Variants in ZNRF1 observed in about 807,000 individuals in gnomAD.
ZNRF1 encodes the protein zinc and ring finger 1, also known as E3 ubiquitin-protein ligase ZNRF1.
Under a neutral mutation model 18.4 loss-of-function variants are expected in ZNRF1, and 3 were observed. The ratio of observed to expected loss-of-function variants is 0.16; its 90% CI spans 0.07 to 0.42. The LOEUF is 0.42. ZNRF1 is among the 10% of genes least tolerant of loss of function. The pLI, the probability that ZNRF1 is intolerant of heterozygous loss-of-function variation, is 0.99. For synonymous variants in ZNRF1, 157 were observed against 144.2 expected, an observed-to-expected ratio of 1.09 and a Z score of -0.64; for missense variants, 310 against 329.8, an observed-to-expected ratio of 0.94 and a Z score of 0.47.
intron 1 of ZNRF1, among the ~76,000 whole-genome samples, chr16:75,089,272 A>T (rs887056393): frequency 4.1e-5 from 6 of 147,378 alleles, no homozygotes; most frequent in African/African-American, 1.5e-4. Context: ...CCAGCTAATT[A>T]AAAAAAAAAA....
At chr16:75,097,188 G>A (rs548795131) in intron 2 of ZNRF1, among the ~76,000 whole-genome samples, 5 of 152,242 alleles carry the variant, frequency 3.3e-5, no homozygotes, top group East Asian at 1.9e-4. Context: ...TAAAGAATAC[G>A]CATTCAAATT....
chr16:75,043,985 G>A (rs576238404), intron 1 of ZNRF1, among the ~76,000 whole-genome samples: 7 of 151,844 alleles, frequency 4.6e-5, no homozygotes, highest in African/African-American at 1.7e-4. Flanking sequence ...GGCTAATTTT[G>A]TGTTTGTAGT....
chr16:75,044,658 C>G (rs2035491565), intron 1 of ZNRF1, among the ~76,000 whole-genome samples: 1 of 152,154 alleles, frequency 6.6e-6, no homozygotes, highest in Non-Finnish European at 1.5e-5. Flanking sequence ...CCATACCCAG[C>G]CCAAGCTCTT....
In ZNRF1 at chr16:74,999,759, G is replaced by C; in HGVS notation, c.88G>C (p.Gly30Arg). 1 of 1,392,868 alleles carries C rather than the reference G, an allele frequency of 7.2e-7. No homozygotes were observed. The highest frequency in any genetic ancestry group is 2.3e-4 in the Middle Eastern group (1 of 4,340). 86.3% of individuals were successfully genotyped at this position (1,392,868 alleles called of 1,614,324 possible). A position where few individuals can be genotyped will look rare whatever the true frequency, so the allele number is the denominator to read the frequency against. Residue 30 changes from glycine to arginine, a missense_variant, in exon 1 of 5, where the codon GGG becomes CGG. Transcript: ENST00000335325. ...TDDSAVPPPG[G>R]APHFGHYRTG... is the part of the protein sequence containing the mutation. Reference sequence around the variant, plus strand: ...TGACAGCGCCGTGCCGCCGCCGGGAGGGGCGCCCCATTTCGGGCACTACCG... The same window carrying C: ...TGACAGCGCCGTGCCGCCGCCGGGACGGGCGCCCCATTTCGGGCACTACCG...
intron 1 of ZNRF1, among the ~76,000 whole-genome samples, chr16:75,065,554 T>C (rs993800014): frequency 1.3e-5 from 2 of 152,208 alleles, no homozygotes; most frequent in Non-Finnish European, 2.9e-5. Flanking sequence ...CATCACAAAA[T>C]GAAACAATAT....
At chr16:75,071,641 A>C (rs1268360573) in intron 1 of ZNRF1, among the ~76,000 whole-genome samples, 1 of 152,190 alleles carries the variant, frequency 6.6e-6, no homozygotes, top group Non-Finnish European at 1.5e-5. Flanking sequence ...ACACAGGTTC[A>C]AGGGCAGGGA....
chr16:75,077,673 G>A (rs2035958296), intron 1 of ZNRF1, among the ~76,000 whole-genome samples: 1 of 152,206 alleles, frequency 6.6e-6, no homozygotes, highest in Non-Finnish European at 1.5e-5. Flanking sequence ...TTTTGGAGAT[G>A]AGAAATCTGC....
At chr16:75,001,513 T>C (rs184754392) in intron 1 of ZNRF1, among the ~76,000 whole-genome samples, 1 of 152,334 alleles carries the variant, frequency 6.6e-6, no homozygotes, top group East Asian at 1.9e-4. Flanking sequence ...CAGGACATGA[T>C]TGCCTTTGGC....
intron 1 of ZNRF1, among the ~76,000 whole-genome samples, chr16:75,034,158 AAAAC>A (rs2035346723): frequency 6.6e-6 from 1 of 152,194 alleles, no homozygotes; most frequent in East Asian, 1.9e-4. Context: ...CTCCGTCTCA[AAAAC>A]AAAAACAAAA....
intron 1 of ZNRF1, among the ~76,000 whole-genome samples, chr16:75,068,136 T>C (rs2145396415): frequency 6.9e-6 from 1 of 145,984 alleles, no homozygotes; most frequent in South Asian, 2.2e-4. Context: ...GGAGTATCAC[T>C]TGAGGCCAGG....
chr16:75,008,978 T>C (rs2034959669), intron 1 of ZNRF1, among the ~76,000 whole-genome samples: 1 of 152,230 alleles, frequency 6.6e-6, no homozygotes, highest in Non-Finnish European at 1.5e-5. Context: ...AGGGGTCCTC[T>C]GTCCTCTCAG....
At chr16:75,025,537 C>A (rs1377636644) in intron 1 of ZNRF1, among the ~76,000 whole-genome samples, 5 of 152,158 alleles carry the variant, frequency 3.3e-5, no homozygotes, top group Admixed American at 2.0e-4. Flanking sequence ...GCCACAATTT[C>A]TCTATGAGTT....
chr16:75,010,719 G>GTTTTTTTTTTTTTT (rs71158572), intron 1 of ZNRF1, among the ~76,000 whole-genome samples: 5 of 85,060 alleles, frequency 5.9e-5, no homozygotes, highest in East Asian at 3.0e-4. Flanking sequence ...TTGTTTTTTT[G>GTTTTTTTTTTTTTT]TTTTTTTTTT....
At chr16:75,000,947 C>G (rs576525525) in intron 1 of ZNRF1, among the ~76,000 whole-genome samples, 1 of 152,204 alleles carries the variant, frequency 6.6e-6, no homozygotes, top group Non-Finnish European at 1.5e-5. Flanking sequence ...TTATGAACTT[C>G]TGGTGACAGG....
rs1358463061 is a variant in ZNRF1 at position 74,999,561 on chromosome 16, C to T, written c.-111C>T. 6.5e-6 allele frequency: 5 copies of T among 772,686 alleles called. No homozygotes were observed. Among genetic ancestry groups the T allele is most frequent in the Non-Finnish European group, 8.9e-6 (5 of 562,226 alleles). The allele number at this position is 772,686 out of a possible 1,614,324, so 47.9% of individuals were successfully genotyped here. On this transcript the variant is annotated 5_prime_UTR_variant, in exon 1 of 5. Transcript: ENST00000335325. ...TTTTTTTCCTTTTCTCCCTCCGGGT[C>T]TCCTTTTTGACTCCCTCCCCCTTTA...
chr16:75,106,609 T>C, intron 4 of ZNRF1, 38 bp downstream of exon 4: 1 of 1,587,882 alleles, frequency 6.3e-7, no homozygotes, highest in Non-Finnish European at 8.6e-7. Context: ...GCTCAAGGCT[T>C]GGGGTCAGGT....
intron 1 of ZNRF1, among the ~76,000 whole-genome samples, chr16:75,086,210 A>G (rs1392079682): frequency 6.6e-6 from 1 of 152,192 alleles, no homozygotes; most frequent in Non-Finnish European, 1.5e-5. Flanking sequence ...CACACCAAAA[A>G]TAATGTTGAG....
At chr16:75,059,229 C>CTTTTTTTTTTTTTTCTTTTTTT (rs2035709085) in intron 1 of ZNRF1, among the ~76,000 whole-genome samples, 6 of 92,878 alleles carry the variant, frequency 6.5e-5, no homozygotes, top group Non-Finnish European at 8.2e-5. Flanking sequence ...TTCTTTCTTT[C>CTTTTTTTTTTTTTTCTTTTTTT]TTTTTTTTTT....
chr16:75,079,252 C>T (rs1360676875), intron 1 of ZNRF1, among the ~76,000 whole-genome samples: 2 of 152,030 alleles, frequency 1.3e-5, no homozygotes, highest in Admixed American at 6.6e-5. Context: ...TAGGCTGAGG[C>T]GGGCGGATCA....
Sources: allele counts gnomAD v4.1 joint callset (sites outside exome capture counted in the v4.1 genomes callset), GRCh38; gene constraint gnomAD v4.1.1; transcripts MANE v1.5; gene names NCBI Gene and HGNC (gene_info 2026-07-23, HGNC 2026-07-21).